The following DDX56 variants were observed in gnomAD, a reference collection of about 807,000 sequenced individuals.
DDX56 encodes probable ATP-dependent RNA helicase DDX56.
In DDX56, 45 loss-of-function variants were observed where a neutral mutation model predicts 61.5. The observed-to-expected ratio is 0.73, with a 90% CI of 0.58 to 0.94. The LOEUF is 0.94. Among genes scored for constraint, DDX56 ranks in the 40% least tolerant of loss-of-function variants. The pLI is 0.00. For synonymous variants in DDX56, 273 were observed against 268.3 expected (o/e 1.02, Z -0.17); for missense variants, 708 against 690.7 (o/e 1.02, Z -0.28).
chr7:44,567,409 T>C (rs1466464934), intron 12 of DDX56, among the ~76,000 whole-genome samples: 3 of 152,178 alleles, frequency 2.0e-5, no homozygotes, highest in African/African-American at 7.2e-5. Flanking sequence ...ACTCTCCTCC[T>C]TCAATCCATT....
chr7:44,573,117 C>G (rs1802722417), intron 2 of DDX56, 67 bp from the exon 3 acceptor site: 4 of 1,446,258 alleles, frequency 2.8e-6, no homozygotes, highest in Non-Finnish European at 3.7e-6. Flanking sequence ...GTCTCTACCC[C>G]TTCCAGCCTA....
Position 44,572,739 on chromosome 7 carries a change from A to T in DDX56, c.389T>A (p.Val130Glu). ...TACCACATCTGGCTTCTCCATCAGC[A>T]CAGCTCTGGAGGTGGACAAGACATC... ...AAEDSVSQRAVLMEKPDVVVG... is the reference protein window; with the variant it reads ...AAEDSVSQRAELMEKPDVVVG... Residue 130 changes from valine (V) to glutamate (E), a missense_variant, in exon 4 of 14, where the codon GTG (valine) becomes GAG (glutamate). Physicochemically the swap from Val to Glu is moderately radical, Grantham distance 121 (BLOSUM62 -2). Coordinates refer to ENST00000258772, the MANE Select transcript of DDX56 (RefSeq NM_019082.4). 6.2e-7 allele frequency: 1 copy of T among 1,614,186 alleles called. No individual in the cohort carries two copies.
At chr7:44,569,944 G>A in intron 8 of DDX56, 41 bp from the exon 9 acceptor site, 1 of 1,612,040 alleles carries the variant, frequency 6.2e-7, no homozygotes, top group South Asian at 1.1e-5. Context: ...CCAACCCGCA[G>A]GCTCTGTCCA....
Position 44,571,718 on chromosome 7 carries a change from C to A in DDX56, c.664G>T (p.Glu222Ter), listed in dbSNP as rs200906446. Residue 222 changes from glutamate (E) to a stop codon, truncating the protein, a stop_gained, in exon 6 of 14, where the codon GAG becomes TAG. Coordinates refer to ENST00000258772, the MANE Select transcript of DDX56 (RefSeq NM_019082.4). LOFTEE classifies it high-confidence loss of function. ...LHNPVTLKLQ[E>*]SQLPGPDQLQ... ...TGGTCTGGCCCAGGCAGCTGGGACT[C>A]CTGTAACTTAAGGGTAACCTGGGGG... The A allele has an allele frequency of 6.2e-6, 10 of 1,613,934 alleles. No individual in the cohort carries two copies. Among genetic ancestry groups the A allele is most frequent in the Non-Finnish European group, 8.5e-6 (10 of 1,180,036 alleles).
Position 44,571,476 on chromosome 7 carries a change from G to A in DDX56, c.890+16C>T. 3 of 1,612,284 alleles carry A rather than the reference G, an allele frequency of 1.9e-6. No individual in the cohort carries two copies. In the South Asian group the frequency reaches 3.3e-5, roughly 18 times the overall value. ...ATCTTCAACTTATTTCAACCAAGAT[G>A]TTGGCTGTGGCAGACCTGGAGCGCA... is the stretch of plus-strand genomic sequence containing the variant. On this transcript the variant is annotated intron_variant, in intron 6 of 13. Transcript: ENST00000258772.
At chr7:44,570,201 A>T in intron 7 of DDX56, 73 bp from the exon 8 acceptor site, 1 of 1,553,802 alleles carries the variant, frequency 6.4e-7, no homozygotes, top group Non-Finnish European at 8.7e-7. Context: ...GAATCAGCAA[A>T]ACTTCCTCTA....
chr7:44,570,867 T>A lies in DDX56; in HGVS notation c.901A>T (p.Ile301Phe). The A allele has an allele frequency of 6.2e-7, 1 of 1,612,366 alleles. No individual in the cohort carries two copies. The highest frequency in any genetic ancestry group is 8.5e-7 in the Non-Finnish European group (1 of 1,178,562). ...TAGAAGCCTTGGTTGAACTGTGAGA[T>A]GATGTGGCACCTGCAGCCAAGAGCG... ...ELPLRSRCHI[I>F]SQFNQGFYDC... Residue 301 changes from isoleucine to phenylalanine, a missense_variant, in exon 7 of 14, where the codon ATC (isoleucine) becomes TTC (phenylalanine). Ile to Phe is a conservative substitution (Grantham distance 21). Transcript: ENST00000258772.
chr7:44,566,454 C>A lies in DDX56; in HGVS notation c.1560G>T (p.Lys520Asn). The A allele has an allele frequency of 6.4e-7, 1 of 1,556,040 alleles. No homozygotes were observed. The highest frequency in any genetic ancestry group is 1.2e-5 in the South Asian group (1 of 84,310). The change falls in exon 13 of 14, where the codon AAG becomes AAT. Residue 520 changes from lysine to asparagine, a missense_variant. Lys to Asn is a moderately conservative substitution (Grantham distance 94). Coordinates refer to ENST00000258772, the MANE Select transcript of DDX56 (RefSeq NM_019082.4). Reference protein sequence around the residue: ...KRKKLSSSCRKAKRAKSQNPL... With the variant: ...KRKKLSSSCRNAKRAKSQNPL... ...CAGTCCCCAGGAGCCGTACCTTGGC[C>A]TTCCTACAAGAGGAAGACAGCTTCT...
chr7:44,565,957 G>T lies in DDX56; in HGVS notation c.*45C>A, dbSNP rs1398532176. 3 of 1,452,228 alleles carry T rather than the reference G, an allele frequency of 2.1e-6. No individual in the cohort carries two copies. The highest frequency in any genetic ancestry group is 1.4e-5 in the African/African-American group (1 of 71,692). The allele number at this position is 1,452,228 out of a possible 1,614,324, so 90.0% of individuals were successfully genotyped here. On this transcript the variant is annotated 3_prime_UTR_variant, in exon 14 of 14. Coordinates refer to ENST00000258772, the MANE Select transcript of DDX56 (RefSeq NM_019082.4). ...CCTCGCCTGTCCACGAAGGGTGTAA[G>T]CCTGTGCTCCACAATGTGCTCAGCT...
rs370005847 is a variant in DDX56, at chr7:44,566,403, G to A, written c.1566+45C>T. 5.0e-4 allele frequency: 730 copies of A among 1,463,492 alleles called. 1 individual carries two copies. Among genetic ancestry groups the A allele is most frequent in the Non-Finnish European group, 5.0e-4 (530 of 1,067,828 alleles). 90.7% of individuals were successfully genotyped at this position (1,463,492 alleles called of 1,614,324 possible). A position where few individuals can be genotyped will look rare whatever the true frequency, so the allele number is the denominator to read the frequency against. ...CATTCTGGTGATGACAAAAGAGCAG[G>A]TTGGGAGGAGTCCTGGGGCTGTCCG... On this transcript the variant is annotated intron_variant, in intron 13 of 13. Coordinates refer to ENST00000258772, the MANE Select transcript of DDX56 (RefSeq NM_019082.4).
intron 5 of DDX56, 52 bp downstream of exon 5, chr7:44,572,295 C>CT: frequency 2.0e-6 from 3 of 1,486,100 alleles, no homozygotes; most frequent in African/African-American, 1.4e-5. Context: ...GCATCAAGAT[C>CT]TTTGAGTGCC....
chr7:44,566,617 C>T (rs987080949), intron 12 of DDX56, 93 bp from the exon 13 acceptor site: 3 of 1,040,364 alleles, frequency 2.9e-6, no homozygotes, highest in Middle Eastern at 6.2e-4. Flanking sequence ...CCAATTCTGA[C>T]CCAACTGGCA....
chr7:44,571,837 A>C, intron 5 of DDX56, 101 bp from the exon 6 acceptor site: 2 of 1,476,688 alleles, frequency 1.4e-6, no homozygotes, highest in Non-Finnish European at 9.2e-7. Context: ...TGCAGGGCAG[A>C]GATGCATTTA....
In DDX56 at chr7:44,572,939, C is replaced by T. The variant is rs751226534; in HGVS notation, c.334G>A (p.Asp112Asn). Residue 112 changes from aspartate to asparagine, a missense_variant, in exon 3 of 14, where the codon GAT becomes AAT. Asp to Asn is a conservative substitution (Grantham distance 23). Coordinates refer to ENST00000258772, the MANE Select transcript of DDX56 (RefSeq NM_019082.4). ...IQQLATYCAR[D>N]VRVANVSAAE... ...GCTGAGACATTGGCCACTCGGACAT[C>T]CCGAGCACAGTAGGTAGCCAGCTGC... 101 of 1,611,410 alleles carry T rather than the reference C, an allele frequency of 6.3e-5. No homozygotes were observed. The highest frequency in any genetic ancestry group is 8.3e-5 in the Non-Finnish European group (98 of 1,178,586).
Position 44,571,691 on chromosome 7 carries a change from A to T in DDX56, c.691T>A (p.Leu231Ile). The T allele has an allele frequency of 6.2e-7, 1 of 1,614,124 alleles. No individual in the cohort carries two copies. The highest frequency in any genetic ancestry group is 8.5e-7 in the Non-Finnish European group (1 of 1,180,032). The change falls in exon 6 of 14, where the codon TTA becomes ATA. Residue 231 changes from leucine to isoleucine, a missense_variant. Leu to Ile is a conservative substitution (Grantham distance 5). Transcript: ENST00000258772. ...TCACAGACCACCTGAAACTGCTGTA[A>T]CTGGTCTGGCCCAGGCAGCTGGGAC... ...QESQLPGPDQ[L>I]QQFQVVCETE...
At chr7:44,568,810 C>T in intron 11 of DDX56, 93 bp downstream of exon 11, 1 of 1,068,372 alleles carries the variant, frequency 9.4e-7, no homozygotes. Context: ...GAAAACTGCC[C>T]AGTTCTCTGC....
intron 8 of DDX56, 44 bp from the exon 9 acceptor site, chr7:44,569,947 T>G: frequency 6.2e-7 from 1 of 1,612,264 alleles, no homozygotes; most frequent in Non-Finnish European, 8.5e-7. Flanking sequence ...ACCCGCAGGC[T>G]CTGTCCAGCA....
At chr7:44,570,927 C>G in intron 6 of DDX56, 50 bp from the exon 7 acceptor site, 1 of 1,578,088 alleles carries the variant, frequency 6.3e-7, no homozygotes, top group Non-Finnish European at 8.6e-7. Context: ...AAGCTCAAGG[C>G]CCCTCTGCCA....
chr7:44,573,870 AAGCCCAGT>A lies in DDX56; in HGVS notation c.18_25del (p.Leu7ArgfsTer63). The A allele has an allele frequency of 6.2e-7, 1 of 1,613,290 alleles. No individual in the cohort carries two copies. Among genetic ancestry groups the A allele is most frequent in the Non-Finnish European group, 8.5e-7 (1 of 1,180,004 alleles). On this transcript the variant is annotated frameshift_variant, in exon 1 of 14. Coordinates refer to ENST00000258772, the MANE Select transcript of DDX56 (RefSeq NM_019082.4). LOFTEE classifies it high-confidence loss of function. ...CCGGGGATCGAGGCCCATGTGTTCG[AAGCCCAGT>A]GCTTCAGAGTCCTCCATGGCGCTGC...
Sources: allele counts gnomAD v4.1 joint callset (sites outside exome capture counted in the v4.1 genomes callset), GRCh38; gene constraint gnomAD v4.1.1; transcripts MANE v1.5; gene names NCBI Gene and HGNC (gene_info 2026-07-23, HGNC 2026-07-21).